The following SMC1A variants were observed in gnomAD, a reference collection of about 807,000 sequenced individuals.
The protein encoded by SMC1A is structural maintenance of chromosomes protein 1A.
SMC1A carries 4 observed loss-of-function variants against 94.5 expected under a neutral mutation model. That is an observed-to-expected ratio of 0.04 (90% CI 0.02 to 0.10). The LOEUF (loss-of-function observed/expected upper bound fraction) is 0.10, where lower values mean the gene tolerates loss of function less well. Ranked by LOEUF, SMC1A falls within the 10% of genes least tolerant of loss-of-function variation. The pLI is 1.00. For missense variants in SMC1A, 304 were observed against 989.0 expected, an observed-to-expected ratio of 0.31 and a Z score of 9.29; for synonymous variants, 345 against 347.7, an observed-to-expected ratio of 0.99 and a Z score of 0.09.
Position 53,416,083 on chromosome X carries a change from C to T in SMC1A, c.110-914G>A, listed in dbSNP as rs781917994. 5.5e-5 allele frequency among the ~76,000 whole-genome samples: 6 copies of T among 109,401 alleles called. No individual in the cohort carries two copies. In the South Asian group the frequency reaches 1.6e-3, roughly 28 times the overall value. ...TTGGGAGGCTGAGGCAGGTGGATCA[C>T]CTGAGGTCAGGAGTTCAAGACCAGC... On this transcript the variant is annotated intron_variant, in intron 1 of 24. Transcript: ENST00000322213.
At chrX:53,389,683 T>C (rs1264770387) in intron 19 of SMC1A, among the ~76,000 whole-genome samples, 2 of 109,554 alleles carry the variant, frequency 1.8e-5, no homozygotes, top group African/African-American at 3.3e-5. Flanking sequence ...AGAGCTGAGA[T>C]TGTGCCCCTG....
At position 53,405,541 on chromosome X, in the gene SMC1A, G is replaced by A. The variant is rs782665597; in HGVS notation, c.1863C>T (p.Asn621=). The A allele has an allele frequency of 5.0e-6, 6 of 1,212,108 alleles. No homozygotes were observed. The Admixed American group carries it at 1.1e-4, about 22-fold the overall frequency. Residue 621 remains asparagine, a synonymous_variant, in exon 11 of 25, where the codon AAC becomes AAT. Coordinates refer to ENST00000322213, the MANE Select transcript of SMC1A (RefSeq NM_006306.4). ...AGGCAATGCGGCGGGCATCTTCCAC[G>A]TTGTCACAGACAAGGGCATTGCCAC... ...YACGNALVCD[N]VEDARRIAFG... is the part of the protein sequence containing the mutation.
At position 53,422,654 on chromosome X, in the gene SMC1A, T is replaced by C; in HGVS notation, c.-54A>G. The C allele has an allele frequency of 1.2e-6, 1 of 814,664 alleles. No homozygotes were observed. The highest frequency in any genetic ancestry group is 2.0e-5 in the African/African-American group (1 of 50,157). 67.1% of individuals were successfully genotyped at this position (814,664 alleles called of 1,213,427 possible). A position where few individuals can be genotyped will look rare whatever the true frequency, so the allele number is the denominator to read the frequency against. ...CAGGCCGCGCCGTACGCCCGAGAAC[T>C]GAGGTAGCCCGCGCGGGAAACGCCG... is the stretch of plus-strand genomic sequence containing the variant. On this transcript the variant is annotated 5_prime_UTR_variant, in exon 1 of 25. Transcript: ENST00000322213.
intron 19 of SMC1A, among the ~76,000 whole-genome samples, chrX:53,389,277 A>C (rs1230487023): frequency 9.1e-6 from 1 of 110,404 alleles, no homozygotes; most frequent in African/African-American, 3.3e-5. Context: ...GTGGAGGGGG[A>C]TCCTATAAGT....
At chrX:53,394,937 C>A in intron 18 of SMC1A, 49 bp from the exon 19 acceptor site, 1 of 757,826 alleles carries the variant, frequency 1.3e-6, no homozygotes, top group Non-Finnish European at 2.1e-6. Flanking sequence ...CATGAGAGTG[C>A]ACCTCTATAG....
Position 53,414,962 on chromosome X carries a change from T to C in SMC1A, c.298+19A>G, listed in dbSNP as rs113817745. 873 of 1,208,002 alleles carry C rather than the reference T, an allele frequency of 7.2e-4. 7 individuals carry two copies. The African/African-American group carries it at 0.013, about 18-fold the overall frequency. ...ACCTCCCAGGACCCAAGGAGAGCTT[T>C]CTGGCCAGCCTCACCCACCTACAAT... On this transcript the variant is annotated intron_variant, in intron 2 of 24. Transcript: ENST00000322213.
chrX:53,408,987 C>G (rs1045192568), intron 9 of SMC1A, 75 bp downstream of exon 9: 1 of 1,014,699 alleles, frequency 9.9e-7, no homozygotes, highest in Non-Finnish European at 1.4e-6. Context: ...CAACCCTGTC[C>G]TTACAGGGCT....
rs782659050 is a variant in SMC1A, at chrX:53,394,760, CCT to C, written c.2973+16_2973+17del. On this transcript the variant is annotated intron_variant, in intron 19 of 24. Coordinates refer to ENST00000322213, the MANE Select transcript of SMC1A (RefSeq NM_006306.4). Reference sequence around the variant, plus strand: ...ACCCAACCCCCACCCCCACCACACCCCTGTGGTTGATCCTCACCTTCAGATCC... The same window carrying C: ...ACCCAACCCCCACCCCCACCACACCCGTGGTTGATCCTCACCTTCAGATCC... 4.4e-5 allele frequency: 39 copies of C among 884,948 alleles called. No homozygotes were observed. Among genetic ancestry groups the C allele is most frequent in the Admixed American group, 6.8e-5 (3 of 44,271 alleles). The allele number at this position is 884,948 out of a possible 1,213,427, so 72.9% of individuals were successfully genotyped here. A position where few individuals can be genotyped will look rare whatever the true frequency, so the allele number is the denominator to read the frequency against.
intron 19 of SMC1A, among the ~76,000 whole-genome samples, chrX:53,393,701 T>A (rs1556887590): frequency 9.0e-6 from 1 of 111,335 alleles, no homozygotes; most frequent in Non-Finnish European, 1.9e-5. Context: ...TCATTCTCTT[T>A]ACTTCCATAT....
intron 18 of SMC1A, among the ~76,000 whole-genome samples, chrX:53,395,805 T>C (rs1458061433): frequency 9.0e-6 from 1 of 111,148 alleles, no homozygotes; most frequent in East Asian, 2.8e-4. Context: ...CCAATCTTCC[T>C]CACTGCAGCT....
intron 11 of SMC1A, 46 bp downstream of exon 11, chrX:53,405,447 C>T (rs2075687617): frequency 1.7e-6 from 2 of 1,210,907 alleles, no homozygotes; most frequent in Non-Finnish European, 2.2e-6. Context: ...AATGAATCTC[C>T]AGTACTGAGC....
Position 53,413,509 on chromosome X carries a change from C to T in SMC1A, c.412-74G>A, listed in dbSNP as rs2075721207. On this transcript the variant is annotated intron_variant, in intron 3 of 24. Transcript: ENST00000322213. ...TTCACCTTACCCATTTCCACTCCTT[C>T]ACCCAGAAAAAGTTACCAACTTTCT... is the stretch of plus-strand genomic sequence containing the variant. The T allele has an allele frequency of 2.5e-5, 25 of 990,625 alleles. No homozygotes were observed. The South Asian group carries it at 4.8e-4, about 19-fold the overall frequency. The allele number at this position is 990,625 out of a possible 1,213,427, so 81.6% of individuals were successfully genotyped here. A position where few individuals can be genotyped will look rare whatever the true frequency, so the allele number is the denominator to read the frequency against.
intron 15 of SMC1A, among the ~76,000 whole-genome samples, chrX:53,400,351 T>C (rs950330080): frequency 5.1e-4 from 57 of 111,803 alleles, no homozygotes; most frequent in African/African-American, 1.8e-3. Context: ...TTACTAGTAA[T>C]GTCATTCAGG....
At position 53,379,774 on chromosome X, in the gene SMC1A, T is replaced by G. The variant is rs1168894856; in HGVS notation, c.*329A>C. 1.1e-5 allele frequency: 4 copies of G among 359,101 alleles called. No homozygotes were observed. The highest frequency in any genetic ancestry group is 2.0e-5 in the Non-Finnish European group (4 of 204,373). The allele number at this position is 359,101 out of a possible 1,213,427, so 29.6% of individuals were successfully genotyped here. ...ACATGCGGATACATACATACACACA[T>G]ACATACCCACACACACAGTGGGCAA... On this transcript the variant is annotated 3_prime_UTR_variant, in exon 25 of 25. Transcript: ENST00000322213.
intron 18 of SMC1A, among the ~76,000 whole-genome samples, chrX:53,395,843 TTCTG>T (rs2075648804): frequency 9.0e-6 from 1 of 111,058 alleles, no homozygotes; most frequent in African/African-American, 3.3e-5. Context: ...TCCCCTAGCT[TTCTG>T]TCTTCCTTTG....
chrX:53,398,927 G>C (rs2075661341), intron 16 of SMC1A, among the ~76,000 whole-genome samples: 1 of 111,444 alleles, frequency 9.0e-6, no homozygotes, highest in African/African-American at 3.3e-5. Flanking sequence ...TTGAAGGATG[G>C]TGCCACATTA....
In SMC1A at chrX:53,385,812, CAT is replaced by C. The variant is rs1170260743; in HGVS notation, c.2974-2561_2974-2560del. Among the ~76,000 whole-genome samples the C allele has an allele frequency of 5.5e-4, 61 of 111,627 alleles. No homozygotes were observed. The Admixed American group carries it at 5.5e-3, about 10-fold the overall frequency. ...TTTTATACTTTTGATTTTAGAAACACATAAAGATGTTATATATAACTATTAAA... is the reference window on the plus strand; with the variant it reads ...TTTTATACTTTTGATTTTAGAAACACAAAGATGTTATATATAACTATTAAA... On this transcript the variant is annotated intron_variant, in intron 19 of 24. Transcript: ENST00000322213.
upstream of SMC1A, chrX:53,422,669 G>T: frequency 1.4e-6 from 1 of 707,101 alleles, no homozygotes; most frequent in South Asian, 2.1e-5. Context: ...TAGCCCGCGC[G>T]GGAAACGCCG....
In SMC1A at chrX:53,413,387, G is replaced by C; in HGVS notation, c.460C>G (p.Leu154Val). ...CCAGAACGACTAATCTCTTCAAATA[G>C]AGCTGTCCTCTCTTTGGGGTTCTTC... ...AMKNPKERTA[L>V]FEEISRSGEL... is the part of the protein sequence containing the mutation. The change falls in exon 4 of 25, where the codon CTA (leucine) becomes GTA (valine). Residue 154 changes from leucine to valine, a missense_variant. By Grantham distance (32) the Leu-to-Val change is conservative. This residue lies in a region of SMC1A where 120 missense variants were observed against 314.9 expected (regional missense o/e 0.38). Coordinates refer to ENST00000322213, the MANE Select transcript of SMC1A (RefSeq NM_006306.4). 8.3e-7 allele frequency: 1 copy of C among 1,211,414 alleles called. No individual in the cohort carries two copies. Among genetic ancestry groups the C allele is most frequent in the Non-Finnish European group, 1.1e-6 (1 of 895,418 alleles).
Sources: allele counts gnomAD v4.1 joint callset (sites outside exome capture counted in the v4.1 genomes callset), GRCh38; gene constraint gnomAD v4.1.1; regional missense constraint gnomAD v4.1.1; transcripts MANE v1.5; gene names NCBI Gene and HGNC (gene_info 2026-07-23, HGNC 2026-07-21).